Variants in SOX13 observed in about 807,000 individuals in gnomAD.
SOX13 encodes SRY-box transcription factor 13.
SOX13 carries 28 observed loss-of-function variants against 71.8 expected under a neutral mutation model. The observed-to-expected ratio is 0.39, with a 90% CI of 0.29 to 0.53. The LOEUF is 0.53. Ranked by LOEUF, SOX13 falls within the 20% of genes least tolerant of loss-of-function variation. SOX13 has a pLI of 0.70. For missense variants in SOX13, 627 were observed against 810.3 expected, an observed-to-expected ratio of 0.77 and a Z score of 2.75; for synonymous variants, 309 against 317.8, an observed-to-expected ratio of 0.97 and a Z score of 0.29.
At chr1:204,108,733 GC>G (rs1430102578) in intron 1 of SOX13, among the ~76,000 whole-genome samples, 1 of 152,202 alleles carries the variant, frequency 6.6e-6, no homozygotes, top group Non-Finnish European at 1.5e-5. Context: ...AGGCCCACAG[GC>G]CCGCATTGTG....
intron 13 of SOX13, among the ~76,000 whole-genome samples, chr1:204,125,187 C>A (rs569358978): frequency 6.6e-6 from 1 of 152,246 alleles, no homozygotes; most frequent in Admixed American, 6.5e-5. Context: ...TCAAAGTATT[C>A]ATCACACAGA....
chr1:204,084,703 C>T (rs1413351302), intron 1 of SOX13, among the ~76,000 whole-genome samples: 2 of 152,194 alleles, frequency 1.3e-5, no homozygotes, highest in African/African-American at 2.4e-5. Flanking sequence ...CCAGCCCCTT[C>T]CTCCCTCCTC....
Position 204,126,299 on chromosome 1 carries a change from C to G in SOX13, c.*165C>G. 2 of 748,250 alleles carry G rather than the reference C, an allele frequency of 2.7e-6. No individual in the cohort carries two copies. Among genetic ancestry groups the G allele is most frequent in the Non-Finnish European group, 4.3e-6 (2 of 464,742 alleles). The allele number at this position is 748,250 out of a possible 1,614,324, so 46.4% of individuals were successfully genotyped here. A position where few individuals can be genotyped will look rare whatever the true frequency, so the allele number is the denominator to read the frequency against. On this transcript the variant is annotated 3_prime_UTR_variant, in exon 14 of 14. Transcript: ENST00000367204. ...GATACATTCATGAGGGGAGAGGCGCCCTCCCTTCCTGAGGAGCTGTTGGCC... is the reference window on the plus strand; with the variant it reads ...GATACATTCATGAGGGGAGAGGCGCGCTCCCTTCCTGAGGAGCTGTTGGCC...
intron 1 of SOX13, among the ~76,000 whole-genome samples, chr1:204,077,810 C>CTTGT (rs1048259885): frequency 3.3e-5 from 5 of 151,870 alleles, no homozygotes; most frequent in Non-Finnish European, 5.9e-5. Context: ...TGTTTGTTTG[C>CTTGT]TTGTTTGTTT....
intron 1 of SOX13, among the ~76,000 whole-genome samples, chr1:204,099,003 G>A (rs1376162317): frequency 1.3e-5 from 2 of 152,212 alleles, no homozygotes; most frequent in South Asian, 2.1e-4. Flanking sequence ...TGCATCATCC[G>A]TACCAGGGCC....
chr1:204,092,100 T>G lies in SOX13; in HGVS notation c.-2+18389T>G, dbSNP rs539311886. 2.0e-5 allele frequency among the ~76,000 whole-genome samples: 3 copies of G among 152,266 alleles called. No homozygotes were observed. The South Asian group carries it at 6.2e-4, about 32-fold the overall frequency. On this transcript the variant is annotated intron_variant, in intron 1 of 13. Transcript: ENST00000367204. Reference sequence around the variant, plus strand: ...TCTTGCTCTGTTGCCCAGGCTGGAGTGCAGTGGCACGACCCTAGCTCACTG... The same window carrying G: ...TCTTGCTCTGTTGCCCAGGCTGGAGGGCAGTGGCACGACCCTAGCTCACTG...
At chr1:204,097,560 G>T (rs550836686) in intron 1 of SOX13, among the ~76,000 whole-genome samples, 3 of 151,700 alleles carry the variant, frequency 2.0e-5, no homozygotes, top group Middle Eastern at 3.2e-3. Flanking sequence ...GCGTGGTGGC[G>T]CATGCCTGTA....
At chr1:204,104,445 G>C (rs1311311881) in intron 1 of SOX13, among the ~76,000 whole-genome samples, 1 of 152,246 alleles carries the variant, frequency 6.6e-6, no homozygotes, top group Non-Finnish European at 1.5e-5. Context: ...AAGGGTGGCA[G>C]GGTGTGGTCT....
rs1209018169 is a variant in SOX13 at position 204,073,674 on chromosome 1, G to GCGAGCCC, written c.-24_-18dup. The GCGAGCCC allele has an allele frequency of 6.6e-5, 10 of 152,246 alleles. No homozygotes were observed. The highest frequency in any genetic ancestry group is 1.9e-4 in the East Asian group (1 of 5,148). 9.4% of individuals were successfully genotyped at this position (152,246 alleles called of 1,614,324 possible). ...GGAGGAGGAGCAGGAGCGCGGAGCC[G>GCGAGCCC]CGAGCCCCGAGCCCCGAGCCCGGCG... On this transcript the variant is annotated 5_prime_UTR_variant, in exon 1 of 14. Coordinates refer to ENST00000367204, the MANE Select transcript of SOX13 (RefSeq NM_005686.3). This position sits in a 1 kb window ranked among gnomAD's most constrained non-coding sequence, Gnocchi z 6.8.
chr1:204,117,335 T>C, intron 6 of SOX13, 145 bp downstream of exon 6: 4 of 762,364 alleles, frequency 5.2e-6, no homozygotes, highest in South Asian at 4.8e-5. Flanking sequence ...GGGTTATTTC[T>C]ATTCTAGCCC....
At chr1:204,096,382 G>T (rs1656253149) in intron 1 of SOX13, among the ~76,000 whole-genome samples, 2 of 151,300 alleles carry the variant, frequency 1.3e-5, no homozygotes, top group African/African-American at 4.9e-5. Flanking sequence ...TGAGACCACA[G>T]TGTATGCCAC....
chr1:204,074,534 C>G (rs1655745130), intron 1 of SOX13: 1 of 152,212 alleles, frequency 6.6e-6, no homozygotes, highest in African/African-American at 2.4e-5. Flanking sequence ...CACGCACACA[C>G]AAGGTTGTGT....
At chr1:204,090,483 A>G (rs1344625352) in intron 1 of SOX13, among the ~76,000 whole-genome samples, 6 of 145,562 alleles carry the variant, frequency 4.1e-5, no homozygotes, top group Admixed American at 1.4e-4. Flanking sequence ...ATCTTGGCTC[A>G]CTGCAACCTC....
chr1:204,086,923 C>T (rs1284887495), intron 1 of SOX13, among the ~76,000 whole-genome samples: 2 of 64,132 alleles, frequency 3.1e-5, no homozygotes, highest in Non-Finnish European at 5.7e-5. Flanking sequence ...GGTCTTTCTC[C>T]TTCCTTTTTT....
At position 204,114,373 on chromosome 1, in the gene SOX13, T is replaced by G. The variant is rs774899009; in HGVS notation, c.272T>G (p.Val91Gly). The G allele has an allele frequency of 1.9e-6, 3 of 1,611,470 alleles. No homozygotes were observed. Among genetic ancestry groups the G allele is most frequent in the Admixed American group, 3.4e-5 (2 of 59,674 alleles). The change falls in exon 3 of 14, where the codon GTG (valine) becomes GGG (glycine). Residue 91 changes from valine (V) to glycine (G), a missense_variant. By Grantham distance (109) the Val-to-Gly change is moderately radical. Transcript: ENST00000367204. ...NGSPEPKRPG[V>G]SEAASGSQEK... ...TCCCCAGAACCCAAGAGACCAGGAG[T>G]GTCGGAGGCTGCCTCTGGAAGCCAG...
intron 9 of SOX13, 167 bp from the exon 10 acceptor site, chr1:204,122,687 C>T (rs909614828): frequency 1.8e-5 from 11 of 614,942 alleles, no homozygotes; most frequent in Middle Eastern, 8.2e-4. Context: ...GTGGCATATC[C>T]CTGAGGACAT....
intron 1 of SOX13, among the ~76,000 whole-genome samples, chr1:204,110,710 C>T (rs1056416007): frequency 7.2e-5 from 11 of 151,966 alleles, no homozygotes; most frequent in African/African-American, 2.4e-4. Flanking sequence ...ATATACAATG[C>T]GTGTTTCATA....
intron 2 of SOX13, among the ~76,000 whole-genome samples, 157 bp downstream of exon 2, chr1:204,113,291 C>T (rs1656624805): frequency 6.6e-6 from 1 of 152,212 alleles, no homozygotes; most frequent in Non-Finnish European, 1.5e-5. Flanking sequence ...GGAGGCACTG[C>T]CAAGTTCAGT....
chr1:204,122,888 C>A lies in SOX13; in HGVS notation c.1059C>A (p.Ala353=). The part of the protein sequence containing the change: ...FLGEGDAVTK[A]IQDARQLLHS... ...GTGAAGGGGACGCTGTCACCAAAGC[C>A]ATCCAGGATGCTCGGCAGCTGCTGC... The change falls in exon 10 of 14, where the codon GCC becomes GCA. Residue 353 remains alanine (A), a synonymous_variant. Coordinates refer to ENST00000367204, the MANE Select transcript of SOX13 (RefSeq NM_005686.3). 6.3e-7 allele frequency: 1 copy of A among 1,577,432 alleles called. No individual in the cohort carries two copies.
Sources: gnomAD v4.1 joint callset for allele counts (sites outside exome capture counted in the v4.1 genomes callset) on GRCh38, gnomAD v4.1.1 for gene constraint, Gnocchi (gnomAD v3.1) non-coding constraint, MANE v1.5 for transcripts, NCBI Gene and HGNC (gene_info 2026-07-23, HGNC 2026-07-21) for gene names.